The following GULP1 variants were observed in gnomAD, a reference collection of about 807,000 sequenced individuals.
GULP1 encodes GULP PTB domain containing engulfment adaptor 1.
A neutral mutation model predicts 40.9 loss-of-function variants in GULP1; 19 were observed. The observed-to-expected ratio is 0.46, with a 90% CI of 0.32 to 0.68. GULP1 has a LOEUF of 0.68. GULP1 is among the 30% of genes least tolerant of loss of function. The pLI is 0.03. For missense variants in GULP1, 312 were observed against 362.2 expected (o/e 0.86, Z 1.12); for synonymous variants, 119 against 117.6 (o/e 1.01, Z -0.08).
chr2:188,320,937 A>G (rs909053441), intron 1 of GULP1, among the ~76,000 whole-genome samples: 12 of 151,556 alleles, frequency 7.9e-5, no homozygotes, highest in African/African-American at 2.7e-4. Flanking sequence ...CACCTACAAA[A>G]GGAAAAGAAA....
chr2:188,394,242 T>G (rs1162983352), intron 2 of GULP1, among the ~76,000 whole-genome samples: 1 of 152,106 alleles, frequency 6.6e-6, no homozygotes, highest in African/African-American at 2.4e-5. Flanking sequence ...TTTCTTTATT[T>G]TTGTCTGATT....
chr2:188,592,134 C>T (rs906610046), intron 11 of GULP1: 11 of 151,956 alleles, frequency 7.2e-5, no homozygotes, highest in African/African-American at 2.4e-4. Context: ...ACTTTGGCTG[C>T]TATTCTGCTT....
intron 7 of GULP1, among the ~76,000 whole-genome samples, chr2:188,544,769 G>A (rs1351396931): frequency 6.6e-6 from 1 of 151,870 alleles, no homozygotes; most frequent in East Asian, 1.9e-4. Context: ...TCTAACATTT[G>A]TGTGTCATCT....
chr2:188,352,618 T>TCACACACACACACACACACA (rs66499080), intron 1 of GULP1, among the ~76,000 whole-genome samples: 2,399 of 134,454 alleles, frequency 0.018, 42 homozygotes, highest in South Asian at 0.052. Context: ...TCTCTCTCTC[T>TCACACACACACACACACACA]CACACACACA....
At chr2:188,512,532 T>C (rs1242195008) in intron 4 of GULP1, among the ~76,000 whole-genome samples, 1 of 152,110 alleles carries the variant, frequency 6.6e-6, no homozygotes, top group Non-Finnish European at 1.5e-5. Flanking sequence ...CGTAACTCTT[T>C]AGCTATTTAA....
At chr2:188,488,900 A>C (rs2062095251) in intron 4 of GULP1, among the ~76,000 whole-genome samples, 4 of 152,028 alleles carry the variant, frequency 2.6e-5, no homozygotes, top group African/African-American at 7.2e-5. Context: ...GTCCTTGTAA[A>C]CCTTTTGAAA....
intron 6 of GULP1, among the ~76,000 whole-genome samples, chr2:188,535,536 C>G (rs1387235197): frequency 2.0e-5 from 3 of 151,916 alleles, no homozygotes; most frequent in African/African-American, 7.2e-5. Context: ...TTTGTGGCTG[C>G]ATGGTATTCT....
chr2:188,502,914 T>C (rs1396628854), intron 4 of GULP1, among the ~76,000 whole-genome samples: 1 of 151,892 alleles, frequency 6.6e-6, no homozygotes, highest in Non-Finnish European at 1.5e-5. Context: ...CAAGATGGCA[T>C]CTTGAACTCT....
chr2:188,443,756 G>A (rs2058146561), intron 2 of GULP1, among the ~76,000 whole-genome samples: 1 of 148,898 alleles, frequency 6.7e-6, no homozygotes, highest in East Asian at 2.0e-4. Context: ...GCACGATCTC[G>A]GCTCACTGCC....
At chr2:188,568,442 G>A (rs1007782938) in intron 7 of GULP1, among the ~76,000 whole-genome samples, 1 of 152,162 alleles carries the variant, frequency 6.6e-6, no homozygotes, top group African/African-American at 2.4e-5. Context: ...GAATGGAGAA[G>A]AAATGAGCTT....
chr2:188,480,013 A>G (rs1053453433), intron 3 of GULP1, among the ~76,000 whole-genome samples: 7 of 152,076 alleles, frequency 4.6e-5, no homozygotes, highest in African/African-American at 1.7e-4. Context: ...TTTTACTCCA[A>G]CCTGAAGTTA....
At chr2:188,563,813 A>G (rs1252780814) in intron 7 of GULP1, among the ~76,000 whole-genome samples, 2 of 151,936 alleles carry the variant, frequency 1.3e-5, no homozygotes. Flanking sequence ...AAACATGACA[A>G]AGACCTTACA....
chr2:188,441,656 T>C (rs1432724275), intron 2 of GULP1, among the ~76,000 whole-genome samples: 1 of 152,120 alleles, frequency 6.6e-6, no homozygotes, highest in African/African-American at 2.4e-5. Context: ...CTTCATAAAA[T>C]TAAGATTGAG....
At chr2:188,368,641 T>C (rs1270865605) in intron 1 of GULP1, among the ~76,000 whole-genome samples, 2 of 151,754 alleles carry the variant, frequency 1.3e-5, no homozygotes, top group Non-Finnish European at 2.9e-5. Flanking sequence ...AAAAATGTTT[T>C]CAGTATAACA....
intron 2 of GULP1, among the ~76,000 whole-genome samples, chr2:188,418,407 G>A (rs530320038): frequency 2.0e-5 from 3 of 152,166 alleles, no homozygotes; most frequent in South Asian, 2.1e-4. Flanking sequence ...CAAGGTGGCC[G>A]GATCCCCTGA....
intron 6 of GULP1, among the ~76,000 whole-genome samples, chr2:188,533,211 C>T (rs574791083): frequency 2.0e-5 from 3 of 152,000 alleles, no homozygotes; most frequent in South Asian, 2.1e-4. Flanking sequence ...TAAAAAATAG[C>T]GTATGATACT....
intron 6 of GULP1, among the ~76,000 whole-genome samples, chr2:188,536,438 T>C (rs1033236481): frequency 6.6e-6 from 1 of 152,174 alleles, no homozygotes; most frequent in African/African-American, 2.4e-5. Context: ...ATTTATTGAA[T>C]AGGGAGTCCT....
intron 1 of GULP1, among the ~76,000 whole-genome samples, chr2:188,375,270 A>G (rs541128212): frequency 5.4e-4 from 83 of 152,354 alleles, no homozygotes; most frequent in African/African-American, 1.9e-3. Context: ...ACAGACAAGT[A>G]TTAGTAAAGC....
intron 6 of GULP1, among the ~76,000 whole-genome samples, chr2:188,539,660 CA>C (rs1689919034): frequency 6.6e-6 from 1 of 152,076 alleles, no homozygotes; most frequent in Admixed American, 6.6e-5. Context: ...ACTTACCAAG[CA>C]ACTCTTCGAT....
Sources: allele counts gnomAD v4.1 joint callset (sites outside exome capture counted in the v4.1 genomes callset), GRCh38; gene constraint gnomAD v4.1.1; transcripts MANE v1.5; gene names NCBI Gene and HGNC (gene_info 2026-07-23, HGNC 2026-07-21).